The following SERINC5 variants were observed in gnomAD, a reference collection of about 807,000 sequenced individuals.
SERINC5 encodes chromosome 5 open reading frame 12.
Under a neutral mutation model 63.1 loss-of-function variants are expected in SERINC5, and 41 were observed. That is an observed-to-expected ratio of 0.65 (90% CI 0.51 to 0.84). The LOEUF is 0.84. Ranked by LOEUF, SERINC5 falls within the 40% of genes least tolerant of loss-of-function variation. SERINC5 has a pLI of 0.00. For missense variants in SERINC5, 523 were observed against 573.0 expected (o/e 0.91, Z 0.89); for synonymous variants, 222 against 215.2 (o/e 1.03, Z -0.28).
chr5:80,148,846 G>A (rs1411868924), intron 9 of SERINC5, among the ~76,000 whole-genome samples: 2 of 152,150 alleles, frequency 1.3e-5, no homozygotes, highest in Non-Finnish European at 2.9e-5. Flanking sequence ...TCTCATTTGT[G>A]TATCAAGGCC....
chr5:80,165,448 G>T (rs1003963608), intron 7 of SERINC5, among the ~76,000 whole-genome samples: 1 of 152,090 alleles, frequency 6.6e-6, no homozygotes, highest in Non-Finnish European at 1.5e-5. Context: ...ATGCTTATGT[G>T]TATGTATGTA....
At chr5:80,147,783 G>A (rs1221722708) in intron 9 of SERINC5, among the ~76,000 whole-genome samples, 1 of 152,112 alleles carries the variant, frequency 6.6e-6, no homozygotes, top group Non-Finnish European at 1.5e-5. Context: ...CCCAATGAAC[G>A]TGACAAGAGC....
intron 9 of SERINC5, among the ~76,000 whole-genome samples, chr5:80,147,699 A>G (rs1745911324): frequency 6.6e-6 from 1 of 151,946 alleles, no homozygotes; most frequent in South Asian, 2.1e-4. Flanking sequence ...TCCCTCCCAC[A>G]TGTGCTGACT....
chr5:80,239,805 C>A (rs1751870203), intron 1 of SERINC5, among the ~76,000 whole-genome samples: 1 of 152,098 alleles, frequency 6.6e-6, no homozygotes, highest in Non-Finnish European at 1.5e-5. Flanking sequence ...TGAAGTAGAG[C>A]TGCCTTCAAA....
chr5:80,118,625 G>C (rs2112227887), intron 11 of SERINC5, among the ~76,000 whole-genome samples: 1 of 151,962 alleles, frequency 6.6e-6, no homozygotes, highest in East Asian at 1.9e-4. Context: ...TTGGCTAGCT[G>C]AAACCTCTGC....
chr5:80,175,089 T>G lies in SERINC5; in HGVS notation c.458-42A>C, dbSNP rs781567715. 9 of 1,405,270 alleles carry G rather than the reference T, an allele frequency of 6.4e-6. No individual in the cohort carries two copies. The South Asian group carries it at 1.0e-4, about 16-fold the overall frequency. 87.1% of individuals were successfully genotyped at this position (1,405,270 alleles called of 1,614,324 possible). A position where few individuals can be genotyped will look rare whatever the true frequency, so the allele number is the denominator to read the frequency against. On this transcript the variant is annotated intron_variant, in intron 4 of 11. Coordinates refer to ENST00000507668, the MANE Select transcript of SERINC5 (RefSeq NM_001174072.3). ...AGAACACAATGAGGCAACCTTTCGT[T>G]GTATTTTGCTCAAAAGAGAATAACC... is the stretch of plus-strand genomic sequence containing the variant.
At chr5:80,214,713 A>G (rs2112523389) in intron 1 of SERINC5, among the ~76,000 whole-genome samples, 1 of 152,326 alleles carries the variant, frequency 6.6e-6, no homozygotes, top group East Asian at 1.9e-4. Flanking sequence ...ACTGACCAAC[A>G]TGGTGAAACT....
intron 1 of SERINC5, among the ~76,000 whole-genome samples, chr5:80,220,086 G>A (rs986939553): frequency 8.5e-5 from 13 of 152,142 alleles, no homozygotes; most frequent in African/African-American, 2.7e-4. Context: ...GCACATGCCT[G>A]TAATCCCAGC....
intron 2 of SERINC5, among the ~76,000 whole-genome samples, chr5:80,183,367 G>A (rs1748578752): frequency 6.6e-6 from 1 of 152,084 alleles, no homozygotes; most frequent in Non-Finnish European, 1.5e-5. Context: ...ACACCTTAGG[G>A]CATCACCAAG....
At chr5:80,166,662 G>A (rs923279800) in intron 6 of SERINC5, 184 bp from the exon 7 acceptor site, 2 of 481,842 alleles carry the variant, frequency 4.2e-6, no homozygotes, top group African/African-American at 3.9e-5. Flanking sequence ...GGGGGAGAGA[G>A]TTACACGCTG....
chr5:80,169,615 G>T (rs1024523797), intron 5 of SERINC5, 69 bp from the exon 6 acceptor site: 15 of 1,272,798 alleles, frequency 1.2e-5, no homozygotes, highest in Non-Finnish European at 1.7e-5. Context: ...CCATTCTGCG[G>T]TAACAGTCAC....
chr5:80,154,013 C>T (rs1015001718), intron 8 of SERINC5, among the ~76,000 whole-genome samples: 1 of 152,112 alleles, frequency 6.6e-6, no homozygotes, highest in East Asian at 1.9e-4. Flanking sequence ...TCACACATTC[C>T]GCCTCCCTGA....
chr5:80,167,849 C>T (rs537638240), intron 6 of SERINC5, among the ~76,000 whole-genome samples: 2 of 152,290 alleles, frequency 1.3e-5, no homozygotes, highest in African/African-American at 4.8e-5. Context: ...CACTTGCCGA[C>T]ATAAAAGGAT....
Position 80,158,566 on chromosome 5 carries a change from A to G in SERINC5, c.986+270T>C, listed in dbSNP as rs1746681469. On this transcript the variant is annotated intron_variant, in intron 8 of 11. Transcript: ENST00000507668. The stretch of plus-strand genomic sequence containing the variant: ...AGGCAACGGTGCTGCAACATGCCAT[A>G]TATTTGCTTTATTTACCCCAAATAA... 4 of 387,714 alleles carry G rather than the reference A, an allele frequency of 1.0e-5. 1 individual carries two copies. Among genetic ancestry groups the G allele is most frequent in the African/African-American group, 4.0e-5 (2 of 49,450 alleles). 24.0% of individuals were successfully genotyped at this position (387,714 alleles called of 1,614,324 possible). A position where few individuals can be genotyped will look rare whatever the true frequency, so the allele number is the denominator to read the frequency against.
At chr5:80,161,062 A>G (rs1580087098) in intron 7 of SERINC5, among the ~76,000 whole-genome samples, 1 of 150,036 alleles carries the variant, frequency 6.7e-6, no homozygotes, top group Non-Finnish European at 1.5e-5. Context: ...ATGTATGTAT[A>G]TATATAAAAA....
intron 11 of SERINC5, among the ~76,000 whole-genome samples, chr5:80,133,581 A>C (rs1745035300): frequency 6.6e-6 from 1 of 152,248 alleles, no homozygotes; most frequent in Admixed American, 6.5e-5. Flanking sequence ...AGAGGGCCCA[A>C]GACTGTCTGA....
At chr5:80,177,118 G>C (rs1434000868) in intron 4 of SERINC5, among the ~76,000 whole-genome samples, 197 bp downstream of exon 4, 1 of 152,122 alleles carries the variant, frequency 6.6e-6, no homozygotes, top group Non-Finnish European at 1.5e-5. Flanking sequence ...CCTGGAAGTG[G>C]GATGCGGTGG....
chr5:80,153,128 G>A (rs1439347666), intron 8 of SERINC5, among the ~76,000 whole-genome samples: 1 of 152,152 alleles, frequency 6.6e-6, no homozygotes, highest in Non-Finnish European at 1.5e-5. Context: ...TTAATGCCAT[G>A]TGACTTCTAC....
At chr5:80,130,635 CTAAG>C (rs1309078918) in intron 11 of SERINC5, among the ~76,000 whole-genome samples, 5 of 152,172 alleles carry the variant, frequency 3.3e-5, no homozygotes, top group African/African-American at 1.2e-4. Flanking sequence ...CACTATCTAC[CTAAG>C]TATCACCCTT....
Sources: gnomAD v4.1 joint callset for allele counts (sites outside exome capture counted in the v4.1 genomes callset) on GRCh38, gnomAD v4.1.1 for gene constraint, MANE v1.5 for transcripts, NCBI Gene and HGNC (gene_info 2026-07-23, HGNC 2026-07-21) for gene names.